Variants in GOLGA1 observed in about 807,000 individuals in gnomAD.
GOLGA1 encodes golgin A1.
Under a neutral mutation model 119.7 loss-of-function variants are expected in GOLGA1, and 63 were observed. That is an observed-to-expected ratio of 0.53 (90% CI 0.43 to 0.65). The LOEUF (loss-of-function observed/expected upper bound fraction) is 0.65. Among genes scored for constraint, GOLGA1 ranks in the 30% least tolerant of loss-of-function variants. The probability of loss-of-function intolerance (pLI) is 0.00; values close to 1 mark genes in which losing one functional copy is unlikely to be tolerated. For missense variants in GOLGA1, 798 were observed against 912.8 expected, an observed-to-expected ratio of 0.87 and a Z score of 1.62; for synonymous variants, 318 against 333.4, an observed-to-expected ratio of 0.95 and a Z score of 0.50.
In GOLGA1 at chr9:124,881,699, G is replaced by A. The variant is rs1829586053; in HGVS notation, c.2136+85C>T. The stretch of plus-strand genomic sequence containing the variant: ...CAAACCAGGATGTACGAGGAAAAGA[G>A]AGAAAGGGGCTGGGCAGGGGTCCCT... On this transcript the variant is annotated intron_variant, in intron 21 of 22. Coordinates refer to ENST00000373555, the MANE Select transcript of GOLGA1 (RefSeq NM_002077.4). The surrounding 1 kb of genome is among the most constrained non-coding windows in gnomAD (Gnocchi z 4.9). The A allele has an allele frequency of 1.1e-6, 1 of 898,390 alleles. No homozygotes were observed. The highest frequency in any genetic ancestry group is 1.7e-6 in the Non-Finnish European group (1 of 577,112). 55.7% of individuals were successfully genotyped at this position (898,390 alleles called of 1,614,324 possible). A position where few individuals can be genotyped will look rare whatever the true frequency, so the allele number is the denominator to read the frequency against.
chr9:124,900,322 GC>G (rs1350423661), intron 13 of GOLGA1, 129 bp downstream of exon 13: 1 of 592,526 alleles, frequency 1.7e-6, no homozygotes, highest in East Asian at 3.0e-5. Context: ...CTCACATCCA[GC>G]ACAAGAACTG....
Position 124,938,847 on chromosome 9 carries a change from G to A in GOLGA1, c.-136C>T. 2 of 610,330 alleles carry A rather than the reference G, an allele frequency of 3.3e-6. No homozygotes were observed. Among genetic ancestry groups the A allele is most frequent in the Non-Finnish European group, 5.6e-6 (2 of 359,442 alleles). The allele number at this position is 610,330 out of a possible 1,614,324, so 37.8% of individuals were successfully genotyped here. On this transcript the variant is annotated 5_prime_UTR_variant, in exon 3 of 23. Transcript: ENST00000373555. ...CATTCCCACTTAAATGTGGGCCAAG[G>A]GCTTATGGCAACACAGGATCTACAA...
chr9:124,909,852 C>T (rs887354752), intron 11 of GOLGA1, among the ~76,000 whole-genome samples: 8 of 152,088 alleles, frequency 5.3e-5, no homozygotes, highest in Non-Finnish European at 1.0e-4. Flanking sequence ...GCAACCTCCG[C>T]CTCCTGGGTT....
chr9:124,897,581 T>C (rs1185193056), intron 15 of GOLGA1, among the ~76,000 whole-genome samples: 2 of 152,182 alleles, frequency 1.3e-5, no homozygotes, highest in South Asian at 2.1e-4. Flanking sequence ...CCTCAGGTGA[T>C]CCACCCACCC....
intron 3 of GOLGA1, among the ~76,000 whole-genome samples, chr9:124,936,622 A>C (rs1384769204): frequency 6.6e-6 from 1 of 151,944 alleles, no homozygotes; most frequent in African/African-American, 2.4e-5. Context: ...AAAAAAAAAA[A>C]AAAACTTTTG....
At chr9:124,924,467 A>C (rs1167677827) in intron 7 of GOLGA1, among the ~76,000 whole-genome samples, 5 of 151,476 alleles carry the variant, frequency 3.3e-5, no homozygotes, top group African/African-American at 1.2e-4. Context: ...CCATCTCTAT[A>C]AAAAATACAA....
intron 7 of GOLGA1, 93 bp downstream of exon 7, chr9:124,926,616 A>T: frequency 1.2e-6 from 1 of 816,164 alleles, no homozygotes; most frequent in South Asian, 1.3e-5. Context: ...AAGAGGTGGT[A>T]TAGCAATCAG....
intron 15 of GOLGA1, among the ~76,000 whole-genome samples, chr9:124,894,434 G>A (rs1175465133): frequency 6.6e-6 from 1 of 151,690 alleles, no homozygotes; most frequent in African/African-American, 2.4e-5. Flanking sequence ...TTCTTGCTCT[G>A]TCATCCAGGC....
At chr9:124,894,258 G>A (rs1353295253) in intron 15 of GOLGA1, among the ~76,000 whole-genome samples, 1 of 152,156 alleles carries the variant, frequency 6.6e-6, no homozygotes, top group African/African-American at 2.4e-5. Flanking sequence ...TTCTGAGCCT[G>A]TGCTTGTGGG....
At chr9:124,905,152 T>A (rs1165629493) in intron 12 of GOLGA1, among the ~76,000 whole-genome samples, 2 of 66,176 alleles carry the variant, frequency 3.0e-5, no homozygotes, top group Non-Finnish European at 4.3e-5. Flanking sequence ...TCTCAAAAAA[T>A]AATAATAATA....
intron 7 of GOLGA1, among the ~76,000 whole-genome samples, chr9:124,924,410 G>A (rs564806288): frequency 1.1e-4 from 17 of 150,944 alleles, no homozygotes; most frequent in Admixed American, 6.6e-4. Context: ...TGGGCCTATC[G>A]GTTGAGCACA....
chr9:124,918,816 G>A (rs1830504742), intron 10 of GOLGA1, among the ~76,000 whole-genome samples: 1 of 151,954 alleles, frequency 6.6e-6, no homozygotes, highest in Non-Finnish European at 1.5e-5. Context: ...CTTCTTCCAT[G>A]ACCCCAAATG....
upstream of GOLGA1, chr9:124,946,029 G>C (rs1250316943): frequency 3.3e-5 from 5 of 152,116 alleles, no homozygotes; most frequent in East Asian, 1.9e-4. The surrounding 1 kb of genome is among the most constrained non-coding windows in gnomAD (Gnocchi z 4.0). Flanking sequence ...ACAACGGTTG[G>C]GGTCAGAGGT....
chr9:124,886,413 CCAAT>C (rs1471954670), intron 19 of GOLGA1, among the ~76,000 whole-genome samples: 1 of 152,058 alleles, frequency 6.6e-6, no homozygotes, highest in East Asian at 1.9e-4. Context: ...TGCCAACAGG[CCAAT>C]CAGAGGGAAA....
chr9:124,937,630 CAAAA>C (rs11343969), intron 3 of GOLGA1, among the ~76,000 whole-genome samples: 1 of 130,566 alleles, frequency 7.7e-6, no homozygotes, highest in Non-Finnish European at 1.7e-5. Context: ...GACTCTGTCT[CAAAA>C]AAAAAAAAAA....
chr9:124,947,742 A>T (rs1485943875), intron 1 of GOLGA1: 1 of 152,234 alleles, frequency 6.6e-6, no homozygotes, highest in East Asian at 1.9e-4. Flanking sequence ...AAATAAGGTC[A>T]ACAAAAGAGC....
chr9:124,900,349 C>T, intron 13 of GOLGA1, 103 bp downstream of exon 13: 1 of 675,770 alleles, frequency 1.5e-6, no homozygotes, highest in Non-Finnish European at 2.7e-6. Context: ...ATGGGCAGGT[C>T]CAGGTACCGT....
At chr9:124,914,638 C>T (rs752611029) in intron 10 of GOLGA1, among the ~76,000 whole-genome samples, 2 of 152,172 alleles carry the variant, frequency 1.3e-5, no homozygotes, top group East Asian at 1.9e-4. Context: ...GTCAAGGGAA[C>T]GCTGCAAGCA....
At chr9:124,903,898 A>T (rs1241638348) in intron 12 of GOLGA1, among the ~76,000 whole-genome samples, 3 of 151,948 alleles carry the variant, frequency 2.0e-5, no homozygotes, top group Non-Finnish European at 4.4e-5. Flanking sequence ...AAATGCAAAA[A>T]ATTAGCCAGG....
Sources: gnomAD v4.1 joint callset for allele counts (sites outside exome capture counted in the v4.1 genomes callset) on GRCh38, gnomAD v4.1.1 for gene constraint, Gnocchi (gnomAD v3.1) non-coding constraint, MANE v1.5 for transcripts, NCBI Gene and HGNC (gene_info 2026-07-23, HGNC 2026-07-21) for gene names.